The following CEP104 variants were observed in gnomAD, a reference collection of about 807,000 sequenced individuals.
The protein encoded by CEP104 is centrosomal protein of 104 kDa.
CEP104 carries 84 observed loss-of-function variants against 113.3 expected under a neutral mutation model. That is an observed-to-expected ratio of 0.74 (90% CI 0.62 to 0.89). The LOEUF (loss-of-function observed/expected upper bound fraction) is 0.89, where lower values mean the gene tolerates loss of function less well. CEP104 is among the 40% of genes least tolerant of loss of function. The pLI is 0.00. For synonymous variants in CEP104, 378 were observed against 421.7 expected (o/e 0.90, Z 1.27); for missense variants, 1,053 against 1,156.6 (o/e 0.91, Z 1.30).
intron 3 of CEP104, among the ~76,000 whole-genome samples, 162 bp downstream of exon 3, chr1:3,848,446 G>T (rs1037612285): frequency 1.3e-5 from 2 of 150,822 alleles, no homozygotes; most frequent in Non-Finnish European, 2.9e-5. Flanking sequence ...GCAGGAGAAT[G>T]GCGTGAACCC....
intron 2 of CEP104, among the ~76,000 whole-genome samples, chr1:3,849,675 C>T (rs115864298): frequency 4.7e-3 from 712 of 152,316 alleles, no homozygotes; most frequent in African/African-American, 0.015. Flanking sequence ...ATTGGGAAAC[C>T]AAGCAACTTT....
chr1:3,827,709 G>A (rs75376818), intron 15 of CEP104, among the ~76,000 whole-genome samples: 3,247 of 152,310 alleles, frequency 0.021, 75 homozygotes, highest in East Asian at 0.1. Flanking sequence ...ATCCCATCCC[G>A]TCATTCTCCT....
At position 3,838,976 on chromosome 1, in the gene CEP104, C is replaced by T. The variant is rs777718419; in HGVS notation, c.879G>A (p.Leu293=). 9 of 1,614,040 alleles carry T rather than the reference C, an allele frequency of 5.6e-6. No homozygotes were observed. The East Asian group carries it at 1.8e-4, about 32-fold the overall frequency. The change falls in exon 8 of 22, where the codon CTG becomes CTA. Residue 293 remains leucine (L), a synonymous_variant. Coordinates refer to ENST00000378230, the MANE Select transcript of CEP104 (RefSeq NM_014704.4). Reference sequence around the variant, plus strand: ...CTCCTGCACCCACCAGCTCGGCATCCAGGAGGCTGTGCAGCTCCAGCTGCT... The same window carrying T: ...CTCCTGCACCCACCAGCTCGGCATCTAGGAGGCTGTGCAGCTCCAGCTGCT... ...VYEQLELHSL[L]DAELMRRPFD...
At chr1:3,830,216 A>G (rs891455945) in intron 13 of CEP104, among the ~76,000 whole-genome samples, 1 of 152,016 alleles carries the variant, frequency 6.6e-6, no homozygotes, top group African/African-American at 2.4e-5. Flanking sequence ...TTTAAGAAAC[A>G]GAACGCTGTG....
Position 3,836,599 on chromosome 1 carries a change from T to G in CEP104, c.1213A>C (p.Ile405Leu). The G allele has an allele frequency of 6.2e-7, 1 of 1,613,178 alleles. No homozygotes were observed. The highest frequency in any genetic ancestry group is 8.5e-7 in the Non-Finnish European group (1 of 1,179,732). Residue 405 changes from isoleucine to leucine, a missense_variant, in exon 10 of 22, where the codon ATC becomes CTC. Transcript: ENST00000378230. ...ATGCCTCCCCTCCGAGCATCGCTGATGTCTGCATTACTCATTTCCGGCTCC... is the reference window on the plus strand; with the variant it reads ...ATGCCTCCCCTCCGAGCATCGCTGAGGTCTGCATTACTCATTTCCGGCTCC... ...VVEPEMSNAD[I>L]SDARRGGMLG...
chr1:3,818,070 G>A (rs1372643172), intron 20 of CEP104, among the ~76,000 whole-genome samples: 1 of 152,228 alleles, frequency 6.6e-6, no homozygotes, highest in Non-Finnish European at 1.5e-5. Flanking sequence ...CCAGGCGGCT[G>A]CGATCAGCTG....
chr1:3,856,844 C>T (rs1263603613), intron 1 of CEP104, 45 bp downstream of exon 1: 2 of 151,298 alleles, frequency 1.3e-5, no homozygotes, highest in Non-Finnish European at 3.0e-5. Context: ...GCGCCCCGCT[C>T]CCCACTCCGG....
chr1:3,851,799 G>A (rs1366538941), intron 2 of CEP104, among the ~76,000 whole-genome samples: 2 of 152,204 alleles, frequency 1.3e-5, no homozygotes, highest in Non-Finnish European at 2.9e-5. Flanking sequence ...GCAGGCGGGA[G>A]CCACTGTGCC....
chr1:3,843,003 G>C (rs1644439923), intron 6 of CEP104: 1 of 429,402 alleles, frequency 2.3e-6, no homozygotes, highest in Admixed American at 4.2e-5. Flanking sequence ...GGCCAGGCTG[G>C]TCTTGAATTC....
intron 6 of CEP104, among the ~76,000 whole-genome samples, chr1:3,843,573 A>T (rs1267865394): frequency 6.6e-6 from 1 of 151,826 alleles, no homozygotes; most frequent in Non-Finnish European, 1.5e-5. Flanking sequence ...GCCGGTTTCA[A>T]ACTCCTGATC....
At chr1:3,836,753 G>A in intron 9 of CEP104, 61 bp from the exon 10 acceptor site, 2 of 1,489,924 alleles carry the variant, frequency 1.3e-6, no homozygotes, top group Non-Finnish European at 1.9e-6. Context: ...ATTCTCCAGT[G>A]CAACTCTCAC....
At chr1:3,847,205 C>T (rs1024561403) in intron 4 of CEP104, among the ~76,000 whole-genome samples, 1 of 152,196 alleles carries the variant, frequency 6.6e-6, no homozygotes, top group Non-Finnish European at 1.5e-5. Flanking sequence ...AACTCTTTCG[C>T]GTTCTCCTTT....
chr1:3,855,348 C>CT (rs60855655), intron 1 of CEP104, among the ~76,000 whole-genome samples: 14 of 128,914 alleles, frequency 1.1e-4, no homozygotes, highest in South Asian at 1.0e-3. Flanking sequence ...TGCACAGCTA[C>CT]TTTTTTTTTT....
At chr1:3,835,252 AT>A (rs1644288591) in intron 10 of CEP104, among the ~76,000 whole-genome samples, 160 bp from the exon 11 acceptor site, 1 of 152,238 alleles carries the variant, frequency 6.6e-6, no homozygotes, top group Admixed American at 6.5e-5. Flanking sequence ...ACTTTTACAA[AT>A]AAATATGTAT....
Position 3,844,890 on chromosome 1 carries a change from G to A in CEP104, c.566+17C>T. 1 of 1,601,104 alleles carries A rather than the reference G, an allele frequency of 6.2e-7. No individual in the cohort carries two copies. The highest frequency in any genetic ancestry group is 8.6e-7 in the Non-Finnish European group (1 of 1,168,166). ...GGAAAGTAAAAGAAGTTCATTGATG[G>A]GGAGCAGGACTCTTACCTGGCGTAC... On this transcript the variant is annotated intron_variant, in intron 6 of 21. Transcript: ENST00000378230.
At chr1:3,836,361 G>T in intron 10 of CEP104, 134 bp downstream of exon 10, 1 of 893,606 alleles carries the variant, frequency 1.1e-6, no homozygotes, top group Non-Finnish European at 1.6e-6. Context: ...AGAACAAAGG[G>T]AAGTCAACAA....
At chr1:3,843,378 T>TA in intron 6 of CEP104, 1 of 334,094 alleles carries the variant, frequency 3.0e-6, no homozygotes, top group Non-Finnish European at 5.5e-6. Context: ...TATGTATAAT[T>TA]TTTTTTTTTT....
At chr1:3,847,376 A>C in intron 4 of CEP104, 99 bp downstream of exon 4, 1 of 1,192,264 alleles carries the variant, frequency 8.4e-7, no homozygotes, top group East Asian at 2.4e-5. Context: ...CCTCTCTTAT[A>C]AGATCACCTT....
rs990842947 is a variant in CEP104 at position 3,815,204 on chromosome 1, G to C, written c.*198C>G. On this transcript the variant is annotated 3_prime_UTR_variant, in exon 22 of 22. Coordinates refer to ENST00000378230, the MANE Select transcript of CEP104 (RefSeq NM_014704.4). ...GTGCGGCCAGGTCCTGGCACTGCAC[G>C]CAGGATCTTTGGTTAGCTGCATCCA... The C allele has an allele frequency of 1.0e-5, 6 of 581,738 alleles. No individual in the cohort carries two copies. The highest frequency in any genetic ancestry group is 1.9e-5 in the Non-Finnish European group (6 of 323,910). 36.0% of individuals were successfully genotyped at this position (581,738 alleles called of 1,614,324 possible).
Sources: allele counts gnomAD v4.1 joint callset (sites outside exome capture counted in the v4.1 genomes callset), GRCh38; gene constraint gnomAD v4.1.1; transcripts MANE v1.5; gene names NCBI Gene and HGNC (gene_info 2026-07-23, HGNC 2026-07-21).